CNTRL: variants seen among roughly 807,000 people sequenced by gnomAD.
The protein encoded by CNTRL is 110 kDa centrosomal protein.
Under a neutral mutation model 303.7 loss-of-function variants are expected in CNTRL, and 233 were observed. The ratio of observed to expected loss-of-function variants is 0.77; its 90% CI spans 0.69 to 0.86. The LOEUF (loss-of-function observed/expected upper bound fraction) is 0.86, where lower values mean the gene tolerates loss of function less well. Ranked by LOEUF, CNTRL falls within the 40% of genes least tolerant of loss-of-function variation. The probability of loss-of-function intolerance (pLI) is 0.00; values close to 1 mark genes in which losing one functional copy is unlikely to be tolerated. For synonymous variants in CNTRL, 900 were observed against 922.2 expected, an observed-to-expected ratio of 0.98 and a Z score of 0.44; for missense variants, 2,524 against 2,650.6, an observed-to-expected ratio of 0.95 and a Z score of 1.05.
chr9:121,176,133 T>A (rs976229386), intron 43 of CNTRL, among the ~76,000 whole-genome samples: 6 of 152,244 alleles, frequency 3.9e-5, no homozygotes, highest in Non-Finnish European at 5.9e-5. Context: ...ACTTTATATA[T>A]ATCATCTAAT....
intron 4 of CNTRL, among the ~76,000 whole-genome samples, chr9:121,091,265 T>C (rs1174701974): frequency 1.3e-5 from 2 of 152,116 alleles, no homozygotes; most frequent in East Asian, 1.9e-4. Flanking sequence ...ATTCCTTTAA[T>C]TGGAAGAAAA....
intron 32 of CNTRL, among the ~76,000 whole-genome samples, chr9:121,160,796 T>G (rs890912419): frequency 6.6e-6 from 1 of 152,150 alleles, no homozygotes; most frequent in African/African-American, 2.4e-5. Context: ...CTGGGCAATG[T>G]ATGAGACCCC....
chr9:121,086,033 G>A (rs1391776741), intron 2 of CNTRL, among the ~76,000 whole-genome samples: 1 of 152,190 alleles, frequency 6.6e-6, no homozygotes, highest in Non-Finnish European at 1.5e-5. Flanking sequence ...AATAGTCTAA[G>A]CAAGAGAGGA....
Position 121,115,197 on chromosome 9 carries a change from A to C in CNTRL, c.1452A>C (p.Lys484Asn). 1 of 1,530,456 alleles carries C rather than the reference A, an allele frequency of 6.5e-7. No homozygotes were observed. The highest frequency in any genetic ancestry group is 1.2e-5 in the South Asian group (1 of 86,500). 94.8% of individuals were successfully genotyped at this position (1,530,456 alleles called of 1,614,324 possible). The change falls in exon 11 of 44, where the codon AAA becomes AAC. Residue 484 changes from lysine (K) to asparagine (N), a missense_variant. By Grantham distance (94) the Lys-to-Asn change is moderately conservative (BLOSUM62 0). Coordinates refer to ENST00000373855, the MANE Select transcript of CNTRL (RefSeq NM_007018.6). ...FKQLEEAIQL[K>N]KISEAGKDLL... is the part of the protein sequence containing the mutation. ...AACTGGAAGAAGCTATACAACTAAA[A>C]AAGGTATGTAAAAGCAAAGCAGCAA...
At chr9:121,146,385 C>A in intron 23 of CNTRL, 129 bp downstream of exon 23, 1 of 904,320 alleles carries the variant, frequency 1.1e-6, no homozygotes. Context: ...CATTGAGGTT[C>A]TGTAGCGTTT....
At chr9:121,113,444 G>A (rs2049840430) in intron 9 of CNTRL, 58 bp from the exon 10 acceptor site, 3 of 922,722 alleles carry the variant, frequency 3.3e-6, no homozygotes, top group Non-Finnish European at 4.8e-6. Flanking sequence ...AATGAATAAT[G>A]TCATTTGACT....
At chr9:121,165,374 A>G (rs180899594) in intron 35 of CNTRL, among the ~76,000 whole-genome samples, 21 of 152,324 alleles carry the variant, frequency 1.4e-4, no homozygotes, top group Admixed American at 9.8e-4. Flanking sequence ...CAGCAAAAAG[A>G]AATAAAAATT....
chr9:121,075,112 G>C (rs904681251), intron 1 of CNTRL, 45 bp downstream of exon 1: 13 of 362,304 alleles, frequency 3.6e-5, no homozygotes, highest in Non-Finnish European at 6.0e-5. Context: ...CATCCGGCCC[G>C]AGCAGTGGGG....
chr9:121,122,425 G>A, intron 12 of CNTRL: 1 of 982,252 alleles, frequency 1.0e-6, no homozygotes, highest in Non-Finnish European at 1.2e-6. Flanking sequence ...CTTGTATTTG[G>A]GGTAAGCAAA....
intron 42 of CNTRL, among the ~76,000 whole-genome samples, chr9:121,173,973 T>C (rs2053420345): frequency 1.3e-5 from 2 of 152,218 alleles, no homozygotes; most frequent in Non-Finnish European, 2.9e-5. Flanking sequence ...TATGTAATGC[T>C]GCTTTACCTC....
At chr9:121,144,426 T>A (rs1357910366) in intron 20 of CNTRL, among the ~76,000 whole-genome samples, 2 of 152,120 alleles carry the variant, frequency 1.3e-5, no homozygotes, top group African/African-American at 4.8e-5. Flanking sequence ...AATCTCAAAT[T>A]TTTCATCTCG....
chr9:121,107,726 T>C lies in CNTRL; in HGVS notation c.809-76T>C, dbSNP rs924569695. 5 of 952,190 alleles carry C rather than the reference T, an allele frequency of 5.3e-6. No homozygotes were observed. In the African/African-American group the frequency reaches 6.9e-5, roughly 13 times the overall value. The allele number at this position is 952,190 out of a possible 1,614,324, so 59.0% of individuals were successfully genotyped here. A position where few individuals can be genotyped will look rare whatever the true frequency, so the allele number is the denominator to read the frequency against. ...CAATATTTTTAGACTTTTTTCACTA[T>C]TGTTTGAGAAATATTCTTACCTTTT... On this transcript the variant is annotated intron_variant, in intron 7 of 43. Transcript: ENST00000373855.
intron 27 of CNTRL, 57 bp from the exon 28 acceptor site, chr9:121,157,413 A>G (rs1475908594): frequency 1.2e-5 from 19 of 1,573,236 alleles, no homozygotes; most frequent in Admixed American, 1.8e-5. Flanking sequence ...TTACATGGCC[A>G]GTAGCTGTGA....
chr9:121,118,811 C>T (rs2050095124), intron 12 of CNTRL, among the ~76,000 whole-genome samples: 1 of 152,036 alleles, frequency 6.6e-6, no homozygotes, highest in Non-Finnish European at 1.5e-5. Context: ...ATTCCCTAAA[C>T]AAGACAGTAT....
chr9:121,137,009 T>A (rs2133895427), intron 15 of CNTRL, among the ~76,000 whole-genome samples: 1 of 152,240 alleles, frequency 6.6e-6, no homozygotes, highest in South Asian at 2.1e-4. Context: ...GGTATTTGTA[T>A]TCTAGGCAGA....
intron 14 of CNTRL, among the ~76,000 whole-genome samples, chr9:121,126,886 A>G (rs2050559310): frequency 6.6e-6 from 1 of 151,932 alleles, no homozygotes; most frequent in East Asian, 1.9e-4. Context: ...CAGTGGCGCA[A>G]TCTCGGCTCA....
chr9:121,130,600 C>A (rs142947611), intron 14 of CNTRL, among the ~76,000 whole-genome samples: 1 of 151,876 alleles, frequency 6.6e-6, no homozygotes, highest in Non-Finnish European at 1.5e-5. Context: ...TTCACTGATT[C>A]TTTTGAAGGG....
intron 2 of CNTRL, among the ~76,000 whole-genome samples, chr9:121,081,412 T>A (rs965830216): frequency 1.3e-5 from 2 of 152,204 alleles, no homozygotes; most frequent in East Asian, 3.8e-4. Context: ...ATTCTGACAC[T>A]GTCTGCCTGA....
rs767094557 is a variant in CNTRL, at chr9:121,118,385, A to AGTG, written c.1498_1500dup (p.Gly500dup). 1 of 1,609,674 alleles carries AGTG rather than the reference A, an allele frequency of 6.2e-7. No homozygotes were observed. The highest frequency in any genetic ancestry group is 1.7e-5 in the Admixed American group (1 of 59,436). ...GAAAGACCTTCTTTACAAGCAGTTG[A>AGTG]GTGGTAGACTACAACTTGTAAATAA... On this transcript the variant is annotated inframe_insertion, in exon 12 of 44. Transcript: ENST00000373855.
Sources: gnomAD v4.1 joint callset for allele counts (sites outside exome capture counted in the v4.1 genomes callset) on GRCh38, gnomAD v4.1.1 for gene constraint, MANE v1.5 for transcripts, NCBI Gene and HGNC (gene_info 2026-07-23, HGNC 2026-07-21) for gene names.